The following NCAM2 variants were observed in gnomAD, a reference collection of about 807,000 sequenced individuals.
NCAM2 encodes the protein neural cell adhesion molecule 2.
NCAM2 carries 30 observed loss-of-function variants against 98.1 expected under a neutral mutation model. That is an observed-to-expected ratio of 0.31 (90% CI 0.23 to 0.41). The LOEUF is 0.41. Ranked by LOEUF, NCAM2 falls within the 10% of genes least tolerant of loss-of-function variation. The probability of loss-of-function intolerance (pLI) is 1.00; values close to 1 mark genes in which losing one functional copy is unlikely to be tolerated. For synonymous variants in NCAM2, 368 were observed against 342.4 expected, an observed-to-expected ratio of 1.07 and a Z score of -0.83; for missense variants, 867 against 1,005.8, an observed-to-expected ratio of 0.86 and a Z score of 1.87.
At chr21:21,263,749 C>T (rs1248399868) in intron 1 of NCAM2, among the ~76,000 whole-genome samples, 1 of 152,026 alleles carries the variant, frequency 6.6e-6, no homozygotes, top group East Asian at 1.9e-4. Flanking sequence ...CAAAAATAAA[C>T]AATGGGGAAA....
At chr21:21,316,639 G>A (rs1032670034) in intron 5 of NCAM2, among the ~76,000 whole-genome samples, 6 of 149,548 alleles carry the variant, frequency 4.0e-5, no homozygotes, top group Non-Finnish European at 7.4e-5. Context: ...TGCCTCCCAG[G>A]TTCAAGTGAT....
chr21:21,056,559 GAGTGAGAGAGAGAGAT>G (rs1478840139), intron 1 of NCAM2, among the ~76,000 whole-genome samples: 8 of 150,284 alleles, frequency 5.3e-5, no homozygotes, highest in Admixed American at 2.7e-4. Context: ...GAGAGAGAGA[GAGTGAGAGAGAGAGAT>G]AGTGAGAGAG....
chr21:21,330,413 T>C (rs1458227294), intron 6 of NCAM2, among the ~76,000 whole-genome samples: 2 of 152,096 alleles, frequency 1.3e-5, no homozygotes, highest in Admixed American at 6.5e-5. Context: ...GTATGCTGAT[T>C]TGTTTCTAAG....
Position 21,512,966 on chromosome 21 carries a change from G to T in NCAM2, c.2282+3911G>T, listed in dbSNP as rs901677113. 3.3e-5 allele frequency among the ~76,000 whole-genome samples: 5 copies of T among 152,096 alleles called. No individual in the cohort carries two copies. In the East Asian group the frequency reaches 7.7e-4, roughly 24 times the overall value. On this transcript the variant is annotated intron_variant, in intron 16 of 17. Coordinates refer to ENST00000400546, the MANE Select transcript of NCAM2 (RefSeq NM_004540.5). Reference sequence around the variant, plus strand: ...GAAACATTACTGAATATATTTGTTAGTTCTAATAGTTTTTTTGGTGGAGTT... The same window carrying T: ...GAAACATTACTGAATATATTTGTTATTTCTAATAGTTTTTTTGGTGGAGTT...
At chr21:21,281,186 T>C (rs2072916420) in intron 2 of NCAM2, among the ~76,000 whole-genome samples, 1 of 152,180 alleles carries the variant, frequency 6.6e-6, no homozygotes, top group Non-Finnish European at 1.5e-5. Flanking sequence ...TAATTTAGAC[T>C]GCTAATCTAG....
intron 1 of NCAM2, among the ~76,000 whole-genome samples, chr21:21,063,447 C>T (rs982713096): frequency 7.2e-5 from 11 of 151,846 alleles, no homozygotes; most frequent in Non-Finnish European, 1.6e-4. Context: ...TCTTGAGCTC[C>T]TGGCCTCAAG....
At chr21:21,048,959 A>G (rs935103440) in intron 1 of NCAM2, among the ~76,000 whole-genome samples, 1 of 151,980 alleles carries the variant, frequency 6.6e-6, no homozygotes, top group Non-Finnish European at 1.5e-5. Flanking sequence ...CCAAAAAACA[A>G]AAAGTATTAG....
chr21:21,146,130 A>G (rs1244660862), intron 1 of NCAM2, among the ~76,000 whole-genome samples: 1 of 152,228 alleles, frequency 6.6e-6, no homozygotes, highest in East Asian at 1.9e-4. Context: ...TAAAAATTTT[A>G]AAAGGTAAGA....
chr21:21,468,018 T>C (rs569037567), intron 13 of NCAM2, among the ~76,000 whole-genome samples: 1 of 152,170 alleles, frequency 6.6e-6, no homozygotes, highest in East Asian at 1.9e-4. Flanking sequence ...CTTTGGTAGA[T>C]CCCTGTTCTA....
chr21:21,464,201 A>G (rs983566636), intron 12 of NCAM2, among the ~76,000 whole-genome samples: 1 of 152,112 alleles, frequency 6.6e-6, no homozygotes, highest in African/African-American at 2.4e-5. Flanking sequence ...CAGCTGCACC[A>G]GGATATCACA....
chr21:21,231,445 A>G (rs2826741), intron 1 of NCAM2, among the ~76,000 whole-genome samples: 7 of 150,888 alleles, frequency 4.6e-5, no homozygotes, highest in Middle Eastern at 3.2e-3. Context: ...AAAATTAAAT[A>G]TAACTGCCAA....
intron 1 of NCAM2, among the ~76,000 whole-genome samples, chr21:21,044,528 G>C (rs551610325): frequency 2.0e-5 from 3 of 152,020 alleles, no homozygotes; most frequent in African/African-American, 7.2e-5. Context: ...AACTAGTCTG[G>C]CTTCATATTT....
chr21:21,179,939 T>G (rs530016639), intron 1 of NCAM2, among the ~76,000 whole-genome samples: 17 of 152,208 alleles, frequency 1.1e-4, no homozygotes, highest in Non-Finnish European at 7.3e-5. Flanking sequence ...ATTCTGTTGG[T>G]TGATTGAAAA....
At chr21:21,124,741 A>G in intron 1 of NCAM2, among the ~76,000 whole-genome samples, 1 of 152,010 alleles carries the variant, frequency 6.6e-6, no homozygotes, top group East Asian at 1.9e-4. Flanking sequence ...TCCAATTCTC[A>G]CCCTAGTGCT....
intron 15 of NCAM2, among the ~76,000 whole-genome samples, chr21:21,498,115 C>T (rs1254166637): frequency 6.6e-6 from 1 of 151,926 alleles, no homozygotes; most frequent in Non-Finnish European, 1.5e-5. Context: ...TTCCAATGAA[C>T]TCATTATATA....
chr21:21,217,715 C>T (rs2069964482), intron 1 of NCAM2, among the ~76,000 whole-genome samples: 1 of 152,012 alleles, frequency 6.6e-6, no homozygotes, highest in African/African-American at 2.4e-5. Flanking sequence ...TCAGTGTTTA[C>T]AAGCAGCAGA....
Position 21,211,662 on chromosome 21 carries a change from A to C in NCAM2, c.56-68916A>C, listed in dbSNP as rs528001621. On this transcript the variant is annotated intron_variant, in intron 1 of 17. Coordinates refer to ENST00000400546, the MANE Select transcript of NCAM2 (RefSeq NM_004540.5). Reference sequence around the variant, plus strand: ...AGAAAAACAGGGCACACGTTTTCCAAAAGAACAGCTTGGTCCAACATTGAA... The same window carrying C: ...AGAAAAACAGGGCACACGTTTTCCACAAGAACAGCTTGGTCCAACATTGAA... Among the ~76,000 whole-genome samples the C allele has an allele frequency of 4.2e-4, 64 of 152,340 alleles. No homozygotes were observed. In the South Asian group the frequency reaches 0.013, roughly 32 times the overall value.
Position 21,009,374 on chromosome 21 carries a change from C to T in NCAM2, c.55+10756C>T, listed in dbSNP as rs948378663. Among the ~76,000 whole-genome samples, 271 of 152,064 alleles carry T rather than the reference C, an allele frequency of 1.8e-3. 4 individuals carry two copies. The highest frequency in any genetic ancestry group is 3.4e-4 in the Non-Finnish European group (23 of 67,946). Reference sequence around the variant, plus strand: ...AAAATAATAAAGTCATAGTTATTATCTAATTCAGGAGGAATAACAAGGATG... The same window carrying T: ...AAAATAATAAAGTCATAGTTATTATTTAATTCAGGAGGAATAACAAGGATG... On this transcript the variant is annotated intron_variant, in intron 1 of 17. Transcript: ENST00000400546.
At chr21:21,358,344 T>G (rs2075550998) in intron 8 of NCAM2, among the ~76,000 whole-genome samples, 2 of 152,070 alleles carry the variant, frequency 1.3e-5, no homozygotes, top group African/African-American at 4.8e-5. Flanking sequence ...CTTTCAGATC[T>G]TTTGATACAC....
Sources: allele counts gnomAD v4.1 joint callset (sites outside exome capture counted in the v4.1 genomes callset), GRCh38; gene constraint gnomAD v4.1.1; transcripts MANE v1.5; gene names NCBI Gene and HGNC (gene_info 2026-07-23, HGNC 2026-07-21).